The following SVEP1 variants were observed in gnomAD, a reference collection of about 807,000 sequenced individuals.
The protein encoded by SVEP1 is sushi, von Willebrand factor type A, EGF and pentraxin domain containing 1.
SVEP1 carries 164 observed loss-of-function variants against 367.3 expected under a neutral mutation model. The observed-to-expected ratio is 0.45, with a 90% CI of 0.39 to 0.51. The LOEUF is 0.51. Ranked by LOEUF, SVEP1 falls within the 20% of genes least tolerant of loss-of-function variation. The pLI is 0.00. For synonymous variants in SVEP1, 1,666 were observed against 1,611.6 expected, an observed-to-expected ratio of 1.03 and a Z score of -0.81; for missense variants, 4,117 against 4,425.3, an observed-to-expected ratio of 0.93 and a Z score of 1.98.
Position 110,450,093 on chromosome 9 carries a change from CA to C in SVEP1, c.4068del (p.Asn1356LysfsTer27). On this transcript the variant is annotated frameshift_variant, in exon 24 of 48. Coordinates refer to ENST00000374469, the MANE Select transcript of SVEP1 (RefSeq NM_153366.4). LOFTEE classifies it high-confidence loss of function. ...VDECLSQPCK[N>X]GATCKDGANS... The stretch of plus-strand genomic sequence containing the variant: ...TTGGCACCGTCTTTACAGGTAGCTC[CA>C]TTTTTGCATGGCTGACTGAGACACT... The C allele has an allele frequency of 6.2e-7, 1 of 1,613,914 alleles. No homozygotes were observed. Among genetic ancestry groups the C allele is most frequent in the Non-Finnish European group, 8.5e-7 (1 of 1,179,830 alleles).
chr9:110,412,143 A>G (rs1270257398), intron 36 of SVEP1, among the ~76,000 whole-genome samples: 1 of 152,258 alleles, frequency 6.6e-6, no homozygotes, highest in African/African-American at 2.4e-5. Context: ...AATAAAATCA[A>G]GGAGTAAGCT....
intron 9 of SVEP1, among the ~76,000 whole-genome samples, chr9:110,488,502 C>T (rs140606155): frequency 4.3e-4 from 66 of 151,972 alleles, no homozygotes; most frequent in Middle Eastern, 6.8e-3. Flanking sequence ...AAAAAAAAGA[C>T]GGGAAAGACT....
At chr9:110,569,475 T>A (rs948340265) in intron 1 of SVEP1, among the ~76,000 whole-genome samples, 62 of 119,164 alleles carry the variant, frequency 5.2e-4, no homozygotes, top group Non-Finnish European at 8.9e-4. Context: ...AAAAAAAAAA[T>A]TTGAGGCTAT....
In SVEP1 at chr9:110,411,706, T is replaced by G. The variant is rs1338476395; in HGVS notation, c.6005A>C (p.Glu2002Ala). The change falls in exon 37 of 48, where the codon GAA becomes GCA. Residue 2002 changes from glutamate to alanine, a missense_variant. By Grantham distance (107) the Glu-to-Ala change is moderately radical (BLOSUM62 -1). Coordinates refer to ENST00000374469, the MANE Select transcript of SVEP1 (RefSeq NM_153366.4). ...GYTLAGLDTIECLADGKWSRS... is the reference protein window; with the variant it reads ...GYTLAGLDTIACLADGKWSRS... ...ACTCCACTTGCCGTCGGCCAGGCATTCAATGGTGTCAAGACCAGCAAGAGT... is the reference window on the plus strand; with the variant it reads ...ACTCCACTTGCCGTCGGCCAGGCATGCAATGGTGTCAAGACCAGCAAGAGT... The G allele has an allele frequency of 1.9e-6, 3 of 1,588,330 alleles. No homozygotes were observed. In the South Asian group the frequency reaches 3.4e-5, roughly 18 times the overall value.
intron 22 of SVEP1, among the ~76,000 whole-genome samples, chr9:110,455,296 G>A (rs922885515): frequency 1.3e-5 from 2 of 152,178 alleles, no homozygotes; most frequent in Non-Finnish European, 1.5e-5. Context: ...CAGGTTCAGT[G>A]AAGTTAAATG....
rs750114631 is a variant in SVEP1 at position 110,432,621 on chromosome 9, C to T, written c.5074G>A (p.Val1692Met). The T allele has an allele frequency of 6.2e-7, 1 of 1,612,114 alleles. No homozygotes were observed. The highest frequency in any genetic ancestry group is 8.5e-7 in the Non-Finnish European group (1 of 1,179,092). ...AAGCCATTCTCCAAAGGAGGTGGCA[C>T]CCCACAGCTAATGCCTGTAAGGTGA... Reference protein sequence around the residue: ...LPHCERISCGVPPPLENGFHS... With the variant: ...LPHCERISCGMPPPLENGFHS... Residue 1692 changes from valine (V) to methionine (M), a missense_variant, in exon 31 of 48, where the codon GTG becomes ATG. By Grantham distance (21) the Val-to-Met change is conservative. Around this residue, in one of 4 missense-constraint regions of SVEP1, gnomAD observed 2,174 missense variants for 2,494.3 expected, o/e 0.87. Transcript: ENST00000374469.
intron 30 of SVEP1, among the ~76,000 whole-genome samples, chr9:110,433,194 G>A (rs908581203): frequency 1.3e-5 from 2 of 152,092 alleles, no homozygotes; most frequent in African/African-American, 4.8e-5. Flanking sequence ...AGAACTGTGA[G>A]CCAATTAAAT....
At chr9:110,441,790 G>C (rs916847062) in intron 27 of SVEP1, among the ~76,000 whole-genome samples, 1 of 152,124 alleles carries the variant, frequency 6.6e-6, no homozygotes, top group Non-Finnish European at 1.5e-5. Flanking sequence ...TTGTTGTTTA[G>C]GAATTTTCAC....
intron 41 of SVEP1, among the ~76,000 whole-genome samples, 155 bp from the exon 42 acceptor site, chr9:110,387,613 A>G (rs938087573): frequency 6.6e-6 from 1 of 152,238 alleles, no homozygotes; most frequent in Non-Finnish European, 1.5e-5. Flanking sequence ...AGAAAAATAT[A>G]GCATACCTAA....
intron 46 of SVEP1, among the ~76,000 whole-genome samples, chr9:110,372,899 C>G (rs1827299296): frequency 6.6e-6 from 1 of 152,114 alleles, no homozygotes; most frequent in Non-Finnish European, 1.5e-5. Context: ...AATAGAGAAC[C>G]ATTTTAGCCT....
chr9:110,401,201 T>C (rs1827855680), intron 39 of SVEP1, among the ~76,000 whole-genome samples, 192 bp from the exon 40 acceptor site: 2 of 152,168 alleles, frequency 1.3e-5, no homozygotes, highest in Admixed American at 6.5e-5. Context: ...ATGGTCTTAA[T>C]AGTCACCCAC....
At chr9:110,492,243 C>A (rs1187799249) in intron 8 of SVEP1, among the ~76,000 whole-genome samples, 4 of 151,960 alleles carry the variant, frequency 2.6e-5, no homozygotes, top group African/African-American at 4.8e-5. Flanking sequence ...ACTATGTAAA[C>A]ACATACTCAG....
chr9:110,533,588 G>GTATGTC (rs1454690149), intron 3 of SVEP1, among the ~76,000 whole-genome samples: 1 of 40,018 alleles, frequency 2.5e-5, no homozygotes, highest in Non-Finnish European at 6.7e-5. Flanking sequence ...TACTATCTCT[G>GTATGTC]TGTGTCTGTG....
At chr9:110,461,813 A>T (rs1257620442) in intron 18 of SVEP1, among the ~76,000 whole-genome samples, 1 of 152,160 alleles carries the variant, frequency 6.6e-6, no homozygotes, top group Non-Finnish European at 1.5e-5. Context: ...ACATGCATAA[A>T]ATTTACATTT....
chr9:110,408,763 G>C lies in SVEP1; in HGVS notation c.6837C>G (p.Asn2279Lys), dbSNP rs1403386930. ...ACTGAACCTTGGACCCTACTTCAAA[G>C]TTTTCTCCTTTCATGAAGCCATTCT... ...PIQNGFMKGE[N>K]FEVGSKVQFF... Residue 2279 changes from asparagine (N) to lysine (K), a missense_variant, in exon 38 of 48, where the codon AAC (asparagine) becomes AAG (lysine). By Grantham distance (94) the Asn-to-Lys change is moderately conservative. Around this residue, in one of 4 missense-constraint regions of SVEP1, gnomAD observed 1,765 missense variants for 1,781.1 expected, o/e 0.99. Transcript: ENST00000374469. 6.2e-7 allele frequency: 1 copy of C among 1,613,660 alleles called. No individual in the cohort carries two copies. The highest frequency in any genetic ancestry group is 1.3e-5 in the African/African-American group (1 of 75,042).
At chr9:110,457,730 T>TC (rs1338652551) in intron 20 of SVEP1, among the ~76,000 whole-genome samples, 2 of 152,148 alleles carry the variant, frequency 1.3e-5, no homozygotes, top group Admixed American at 1.3e-4. Flanking sequence ...CTAATACACC[T>TC]CCATGTGACA....
In SVEP1 at chr9:110,407,018, T is replaced by C; in HGVS notation, c.8582A>G (p.Glu2861Gly). ...CCTGGCTCCCTCAAGCAAGAACCCTTCATTGCAAGTGTATTCAATCTCTTT... is the reference window on the plus strand; with the variant it reads ...CCTGGCTCCCTCAAGCAAGAACCCTCCATTGCAAGTGTATTCAATCTCTTT... ...FQKEIEYTCNEGFLLEGARSR... is the reference protein window; with the variant it reads ...FQKEIEYTCNGGFLLEGARSR... Residue 2861 changes from glutamate (E) to glycine (G), a missense_variant, in exon 38 of 48, where the codon GAA (glutamate) becomes GGA (glycine). This residue lies in a region of SVEP1 where 1,765 missense variants were observed against 1,781.1 expected (regional missense o/e 0.99). Coordinates refer to ENST00000374469, the MANE Select transcript of SVEP1 (RefSeq NM_153366.4). 1.2e-6 allele frequency: 2 copies of C among 1,613,964 alleles called. No individual in the cohort carries two copies. The highest frequency in any genetic ancestry group is 8.5e-7 in the Non-Finnish European group (1 of 1,179,878).
intron 13 of SVEP1, among the ~76,000 whole-genome samples, chr9:110,476,748 A>C (rs1829101719): frequency 6.6e-6 from 1 of 152,062 alleles, no homozygotes; most frequent in Admixed American, 6.6e-5. Flanking sequence ...CTTTGCCCTA[A>C]AACCTTTCCA....
At chr9:110,389,004 A>T (rs779123687) in intron 41 of SVEP1, among the ~76,000 whole-genome samples, 1 of 151,988 alleles carries the variant, frequency 6.6e-6, no homozygotes, top group East Asian at 1.9e-4. Flanking sequence ...ACATACATAC[A>T]TTGTCCTTTG....
Sources: allele counts gnomAD v4.1 joint callset (sites outside exome capture counted in the v4.1 genomes callset), GRCh38; gene constraint gnomAD v4.1.1; regional missense constraint gnomAD v4.1.1; transcripts MANE v1.5; gene names NCBI Gene and HGNC (gene_info 2026-07-23, HGNC 2026-07-21).